Variants in PHF8 observed in about 807,000 individuals in gnomAD.
The protein encoded by PHF8 is PHD finger protein 8.
PHF8 carries 9 observed loss-of-function variants against 74.4 expected under a neutral mutation model. The observed-to-expected ratio is 0.12, with a 90% confidence interval of 0.07 to 0.21. The LOEUF (loss-of-function observed/expected upper bound fraction) is 0.21. Ranked by LOEUF, PHF8 falls within the 10% of genes least tolerant of loss-of-function variation. The pLI is 1.00. For synonymous variants in PHF8, 311 were observed against 316.6 expected (o/e 0.98, Z 0.19); for missense variants, 478 against 816.6 (o/e 0.59, Z 5.05).
In PHF8 at chrX:53,944,066, GTCT is replaced by G. The variant is rs1478999351; in HGVS notation, c.2649+65_2649+67del. ...AAGGTGGGATCCTATCAGCCTGCAG[GTCT>G]AAGTGTTGAGGCTCTAAGTCAAACT... is the stretch of plus-strand genomic sequence containing the variant. On this transcript the variant is annotated intron_variant, in intron 20 of 21. Coordinates refer to ENST00000338154, the MANE Select transcript of PHF8 (RefSeq NM_015107.3). 2.4e-5 allele frequency: 15 copies of G among 632,678 alleles called. No individual in the cohort carries two copies. In the Admixed American group the frequency reaches 3.4e-4, roughly 14 times the overall value. 52.1% of individuals were successfully genotyped at this position (632,678 alleles called of 1,213,427 possible).
At chrX:53,984,515 CATT>C (rs1475794491) in intron 18 of PHF8, among the ~76,000 whole-genome samples, 8 of 111,954 alleles carry the variant, frequency 7.1e-5, no homozygotes, top group African/African-American at 2.6e-4. Context: ...ACTGAAAGGT[CATT>C]ATGTATCTCT....
At chrX:53,995,355 A>G (rs2065729894) in intron 12 of PHF8, 1 of 323,394 alleles carries the variant, frequency 3.1e-6, no homozygotes, top group African/African-American at 2.7e-5. Flanking sequence ...CTCAACCCAC[A>G]TTACCTTATT....
chrX:54,036,571 CAAAAAAAAAAAAAAA>C (rs1160936317), intron 2 of PHF8, among the ~76,000 whole-genome samples: 7 of 6,189 alleles, frequency 1.1e-3, no homozygotes, highest in Non-Finnish European at 1.1e-3. Context: ...GACACTGTCT[CAAAAAAAAAAAAAAA>C]AAAAAAAAAA....
chrX:54,034,823 CAAAAAAAA>C (rs1235099588), intron 2 of PHF8, among the ~76,000 whole-genome samples: 2 of 17,600 alleles, frequency 1.1e-4, no homozygotes, highest in African/African-American at 3.4e-4. Context: ...GACTTCGTCT[CAAAAAAAA>C]AAAAAAAAAA....
At chrX:54,023,252 T>C (rs981417984) in intron 2 of PHF8, among the ~76,000 whole-genome samples, 10 of 111,421 alleles carry the variant, frequency 9.0e-5, no homozygotes, top group African/African-American at 3.3e-4. Context: ...GCTAGGATTA[T>C]AGGTGTGAGC....
chrX:53,946,078 TGA>T (rs1318689555), intron 19 of PHF8, among the ~76,000 whole-genome samples: 11 of 112,219 alleles, frequency 9.8e-5, no homozygotes, highest in African/African-American at 3.6e-4. Flanking sequence ...CCCTAAATGA[TGA>T]GAGACAGCTC....
At chrX:53,986,491 C>T (rs1160567000) in intron 16 of PHF8, among the ~76,000 whole-genome samples, 3 of 112,808 alleles carry the variant, frequency 2.7e-5, no homozygotes, top group Non-Finnish European at 3.7e-5. Flanking sequence ...CCTCAGCCTC[C>T]CAAAGTGCTG....
At chrX:54,040,979 T>G in intron 2 of PHF8, among the ~76,000 whole-genome samples, 1 of 111,907 alleles carries the variant, frequency 8.9e-6, no homozygotes, top group Non-Finnish European at 1.9e-5. Context: ...AAATATTCAA[T>G]AGAGATCAGT....
At chrX:54,022,399 C>T in intron 3 of PHF8, 32 bp from the exon 4 acceptor site, 2 of 933,845 alleles carry the variant, frequency 2.1e-6, no homozygotes, top group Admixed American at 2.2e-5. Flanking sequence ...GATTGTGAGT[C>T]AGAACGGTCA....
rs781852823 is a variant in PHF8 at position 54,038,255 on chromosome X, T to A, written c.98+4376A>T. ...TGAACTGTACTTTAAAAAAGGTCGT[T>A]CCTCCTGTGTTAGCTCACTTAGGAA... On this transcript the variant is annotated intron_variant, in intron 2 of 21. Coordinates refer to ENST00000338154, the MANE Select transcript of PHF8 (RefSeq NM_015107.3). Among the ~76,000 whole-genome samples the A allele has an allele frequency of 2.7e-5, 3 of 112,103 alleles. No individual in the cohort carries two copies. In the East Asian group the frequency reaches 8.3e-4, roughly 31 times the overall value.
intron 8 of PHF8, among the ~76,000 whole-genome samples, chrX:54,008,735 A>G (rs1557105992): frequency 1.8e-5 from 2 of 111,848 alleles, no homozygotes; most frequent in African/African-American, 3.2e-5. Flanking sequence ...GCTAGACACA[A>G]AAGACAACAT....
At chrX:54,034,885 G>A (rs1603343805) in intron 2 of PHF8, among the ~76,000 whole-genome samples, 1 of 104,499 alleles carries the variant, frequency 9.6e-6, no homozygotes, top group South Asian at 4.4e-4. Context: ...TGTAGTCCCA[G>A]CTACTGGGGG....
chrX:53,977,320 G>A (rs372171883), intron 18 of PHF8, among the ~76,000 whole-genome samples: 1 of 111,938 alleles, frequency 8.9e-6, no homozygotes, highest in Admixed American at 9.4e-5. Context: ...GGGTGACAGA[G>A]CAAGACTGGC....
chrX:53,951,241 A>G (rs1345106212), intron 19 of PHF8, among the ~76,000 whole-genome samples: 1 of 112,424 alleles, frequency 8.9e-6, no homozygotes, highest in Non-Finnish European at 1.9e-5. Flanking sequence ...AGATAAGTCA[A>G]TTGAGATTAT....
At chrX:54,045,339 C>T (rs2066625020), upstream of PHF8, 1 of 119,289 alleles carries the variant, frequency 8.4e-6, no homozygotes, top group East Asian at 2.5e-4. Flanking sequence ...CTAGAAAATT[C>T]TCTAGGAGTT....
chrX:54,044,494 G>A (rs1227759127), upstream of PHF8: 1 of 661,202 alleles, frequency 1.5e-6, no homozygotes, highest in Admixed American at 8.7e-5. Context: ...CGGAGGCGGG[G>A]AACCGCGAGC....
chrX:53,953,504 G>C (rs1456356347), intron 19 of PHF8, among the ~76,000 whole-genome samples: 2 of 108,717 alleles, frequency 1.8e-5, no homozygotes, highest in African/African-American at 6.7e-5. Flanking sequence ...AGCTAGGCGT[G>C]ATGGCAGGCA....
intron 2 of PHF8, among the ~76,000 whole-genome samples, chrX:54,033,906 G>C (rs782068136): frequency 1.8e-5 from 2 of 109,767 alleles, no homozygotes; most frequent in East Asian, 2.9e-4. Context: ...CTAGGCCACA[G>C]AGCTAGACTC....
intron 14 of PHF8, 114 bp from the exon 15 acceptor site, chrX:53,988,058 G>C: frequency 1.7e-6 from 1 of 600,420 alleles, no homozygotes; most frequent in African/African-American, 2.2e-5. Flanking sequence ...TCAAAATCCA[G>C]CCAGCTTTTT....
Sources: allele counts gnomAD v4.1 joint callset (sites outside exome capture counted in the v4.1 genomes callset), GRCh38; gene constraint gnomAD v4.1.1; transcripts MANE v1.5; gene names NCBI Gene and HGNC (gene_info 2026-07-23, HGNC 2026-07-21).